The following SND1 variants were observed in gnomAD, a reference collection of about 807,000 sequenced individuals.
SND1 encodes staphylococcal nuclease domain-containing protein 1.
A neutral mutation model predicts 121.7 loss-of-function variants in SND1; 38 were observed. The ratio of observed to expected loss-of-function variants is 0.31; its 90% CI spans 0.24 to 0.41. The LOEUF (loss-of-function observed/expected upper bound fraction) is 0.41, where lower values mean the gene tolerates loss of function less well. Among genes scored for constraint, SND1 ranks in the 10% least tolerant of loss-of-function variants. SND1 has a pLI of 1.00. For missense variants in SND1, 868 were observed against 1,184.6 expected, an observed-to-expected ratio of 0.73 and a Z score of 3.92; for synonymous variants, 401 against 447.4, an observed-to-expected ratio of 0.90 and a Z score of 1.31.
chr7:127,678,492 C>A (rs1177496288), intron 1 of SND1, among the ~76,000 whole-genome samples: 1 of 152,116 alleles, frequency 6.6e-6, no homozygotes, highest in Non-Finnish European at 1.5e-5. Context: ...AGCTCCTGGG[C>A]TTCCGGTTCA....
intron 15 of SND1, among the ~76,000 whole-genome samples, chr7:127,953,248 A>G (rs1056161901): frequency 1.4e-5 from 2 of 140,786 alleles, no homozygotes; most frequent in Non-Finnish European, 3.0e-5. Flanking sequence ...AAGCATCTGT[A>G]ATAGGGTGTT....
At chr7:128,049,215 C>T (rs2117018107) in intron 16 of SND1, among the ~76,000 whole-genome samples, 2 of 152,216 alleles carry the variant, frequency 1.3e-5, no homozygotes, top group Middle Eastern at 6.8e-3. Flanking sequence ...TTTATAACAC[C>T]GTGGAAGGCT....
At chr7:127,990,218 T>C (rs189810368) in intron 15 of SND1, among the ~76,000 whole-genome samples, 171 of 152,272 alleles carry the variant, frequency 1.1e-3, no homozygotes, top group African/African-American at 3.8e-3. Context: ...TATTATAATA[T>C]CTGTTTTATA....
chr7:127,909,346 C>T (rs549175595), intron 14 of SND1, among the ~76,000 whole-genome samples: 21 of 152,138 alleles, frequency 1.4e-4, no homozygotes, highest in Non-Finnish European at 3.1e-4. Flanking sequence ...CTCCTTTGGA[C>T]GTTTAATCAC....
chr7:127,659,387 A>G (rs1795270586), intron 1 of SND1, among the ~76,000 whole-genome samples: 1 of 152,218 alleles, frequency 6.6e-6, no homozygotes, highest in African/African-American at 2.4e-5. Context: ...AAGTTAAGCA[A>G]CTTATGGGAA....
chr7:127,732,640 C>A (rs73723060), intron 10 of SND1, among the ~76,000 whole-genome samples: 2,600 of 152,294 alleles, frequency 0.017, 93 homozygotes, highest in African/African-American at 0.059. Flanking sequence ...AAACTGTATT[C>A]TAGTTTTCTT....
At chr7:127,796,232 A>C (rs901988480) in intron 10 of SND1, among the ~76,000 whole-genome samples, 1 of 152,102 alleles carries the variant, frequency 6.6e-6, no homozygotes, top group African/African-American at 2.4e-5. Context: ...CAACTAGTAT[A>C]GTATAAGCGC....
chr7:127,857,748 C>T, intron 12 of SND1: 1 of 621,838 alleles, frequency 1.6e-6, no homozygotes. Flanking sequence ...GGGAAATTGA[C>T]TGAAAAATGG....
At chr7:127,948,239 G>A (rs1052018889) in intron 15 of SND1, among the ~76,000 whole-genome samples, 1 of 152,084 alleles carries the variant, frequency 6.6e-6, no homozygotes, top group Non-Finnish European at 1.5e-5. Context: ...CTCATTGTCT[G>A]CCTTTATAGG....
chr7:128,002,036 G>T (rs1347856138), intron 16 of SND1, among the ~76,000 whole-genome samples: 1 of 152,200 alleles, frequency 6.6e-6, no homozygotes, highest in African/African-American at 2.4e-5. Flanking sequence ...CTGGATCTAG[G>T]TATGTGTGTT....
At chr7:128,028,656 A>G (rs764234288) in intron 16 of SND1, 18 of 1,591,616 alleles carry the variant, frequency 1.1e-5, no homozygotes, top group South Asian at 7.9e-5. Context: ...ATTGCATTTT[A>G]TAAGTTTTTT....
chr7:127,690,262 T>A (rs146890968), intron 2 of SND1, among the ~76,000 whole-genome samples: 1 of 152,170 alleles, frequency 6.6e-6, no homozygotes, highest in Non-Finnish European at 1.5e-5. Context: ...CAAATCTAAA[T>A]GCCTTAGCCT....
At chr7:128,020,339 A>T (rs896399747) in intron 16 of SND1, among the ~76,000 whole-genome samples, 1 of 152,148 alleles carries the variant, frequency 6.6e-6, no homozygotes, top group Non-Finnish European at 1.5e-5. Flanking sequence ...GGCACTAATC[A>T]CTTTGCCATT....
chr7:128,087,386 G>T (rs1793704476), intron 21 of SND1, among the ~76,000 whole-genome samples: 1 of 152,158 alleles, frequency 6.6e-6, no homozygotes. Context: ...GTCTACCCTG[G>T]CAAGGAGTTT....
chr7:127,788,242 T>C (rs960782718), intron 10 of SND1, among the ~76,000 whole-genome samples: 3 of 152,200 alleles, frequency 2.0e-5, no homozygotes, highest in Non-Finnish European at 4.4e-5. Context: ...TCAACAAATA[T>C]TAATTGAGTG....
rs78739543 is a variant in SND1 at position 128,087,457 on chromosome 7, G to A, written c.2418+406G>A. On this transcript the variant is annotated intron_variant, in intron 21 of 23. Coordinates refer to ENST00000354725, the MANE Select transcript of SND1 (RefSeq NM_014390.4). ...CCATTTCTAGGAGAAGTGTGACATG[G>A]TCCAGTGTGTTTCTGAAAGTTAGTT... Among the ~76,000 whole-genome samples the A allele has an allele frequency of 1.6e-4, 25 of 152,342 alleles. No homozygotes were observed. In the East Asian group the frequency reaches 4.8e-3, roughly 29 times the overall value.
intron 15 of SND1, among the ~76,000 whole-genome samples, chr7:127,968,908 C>A (rs1801915230): frequency 6.6e-6 from 1 of 152,232 alleles, no homozygotes; most frequent in African/African-American, 2.4e-5. Flanking sequence ...TTGTAAACAT[C>A]TGGAGCAGAA....
chr7:127,715,851 T>G (rs1368532416), intron 9 of SND1, among the ~76,000 whole-genome samples: 3 of 152,240 alleles, frequency 2.0e-5, no homozygotes, highest in Non-Finnish European at 2.9e-5. Context: ...TTTATAGGTC[T>G]TATATTTAAG....
At chr7:127,816,921 A>G (rs900901563) in intron 11 of SND1, among the ~76,000 whole-genome samples, 1 of 152,140 alleles carries the variant, frequency 6.6e-6, no homozygotes. Flanking sequence ...TTGGCCTCCC[A>G]AAGTGCTAGA....
Sources: allele counts gnomAD v4.1 joint callset (sites outside exome capture counted in the v4.1 genomes callset), GRCh38; gene constraint gnomAD v4.1.1; transcripts MANE v1.5; gene names NCBI Gene and HGNC (gene_info 2026-07-23, HGNC 2026-07-21).